The following PLD5 variants were observed in gnomAD, a reference collection of about 807,000 sequenced individuals.
PLD5 encodes phospholipase D family member 5, also known as inactive phospholipase D5.
PLD5 carries 36 observed loss-of-function variants against 61.1 expected under a neutral mutation model. The observed-to-expected ratio is 0.59, with a 90% CI of 0.45 to 0.78. PLD5 has a LOEUF of 0.78. Among genes scored for constraint, PLD5 ranks in the 30% least tolerant of loss-of-function variants. The pLI is 0.00. For synonymous variants in PLD5, 243 were observed against 242.8 expected, an observed-to-expected ratio of 1.00 and a Z score of -0.01; for missense variants, 515 against 644.4, an observed-to-expected ratio of 0.80 and a Z score of 2.17.
intron 1 of PLD5, among the ~76,000 whole-genome samples, chr1:242,401,526 C>T (rs1663934462): frequency 6.6e-6 from 1 of 152,188 alleles, no homozygotes; most frequent in Non-Finnish European, 1.5e-5. Flanking sequence ...TCTCCAAGCC[C>T]ACATCCTGTA....
At chr1:242,487,766 G>C (rs79046530) in intron 1 of PLD5, among the ~76,000 whole-genome samples, 6,623 of 152,130 alleles carry the variant, frequency 0.044, 228 homozygotes, top group Middle Eastern at 0.058. Context: ...TATACAGATG[G>C]CATAAAAGCA....
chr1:242,415,696 G>A lies in PLD5; in HGVS notation c.190-67454C>T, dbSNP rs181524402. Among the ~76,000 whole-genome samples the A allele has an allele frequency of 6.1e-4, 93 of 152,000 alleles. No homozygotes were observed. In the East Asian group the frequency reaches 0.015, roughly 24 times the overall value. ...CCCGGCCAAATTTTTTGTATTTTTA[G>A]TAGAGACGGGGTTTCACCATGTTAG... On this transcript the variant is annotated intron_variant, in intron 1 of 9. Transcript: ENST00000536534.
intron 1 of PLD5, among the ~76,000 whole-genome samples, chr1:242,359,349 G>C (rs1303205536): frequency 6.6e-6 from 1 of 152,082 alleles, no homozygotes; most frequent in Non-Finnish European, 1.5e-5. Context: ...GTGGTGCTGT[G>C]GCAACTTGAG....
At chr1:242,274,714 A>C (rs748031453) in intron 3 of PLD5, among the ~76,000 whole-genome samples, 1 of 152,086 alleles carries the variant, frequency 6.6e-6, no homozygotes, top group Non-Finnish European at 1.5e-5. Flanking sequence ...AGATCGCGCC[A>C]CTGCACTCCA....
chr1:242,178,509 A>G (rs914983831), intron 5 of PLD5: 5 of 152,192 alleles, frequency 3.3e-5, no homozygotes, highest in Admixed American at 6.6e-5. Context: ...GTGCTTTCCA[A>G]TGACTACTCT....
At chr1:242,329,071 T>C (rs1659009281) in intron 2 of PLD5, among the ~76,000 whole-genome samples, 1 of 152,038 alleles carries the variant, frequency 6.6e-6, no homozygotes, top group Admixed American at 6.6e-5. Flanking sequence ...TGCAGTGGTG[T>C]GATCTTGGCT....
chr1:242,505,455 A>T (rs1668690125), intron 1 of PLD5, among the ~76,000 whole-genome samples: 1 of 152,186 alleles, frequency 6.6e-6, no homozygotes, highest in Non-Finnish European at 1.5e-5. Context: ...CACAATAGCC[A>T]AGTTCTGGAA....
chr1:242,190,279 G>A (rs747069036), intron 5 of PLD5, among the ~76,000 whole-genome samples: 10 of 150,630 alleles, frequency 6.6e-5, no homozygotes, highest in Non-Finnish European at 1.3e-4. Flanking sequence ...CCAAGTAGCC[G>A]GGACTACAGG....
At chr1:242,438,133 C>G (rs1666089426) in intron 1 of PLD5, among the ~76,000 whole-genome samples, 1 of 152,114 alleles carries the variant, frequency 6.6e-6, no homozygotes, top group South Asian at 2.1e-4. Flanking sequence ...GTGCCTGATA[C>G]TAACAAGTAA....
intron 1 of PLD5, among the ~76,000 whole-genome samples, chr1:242,500,836 T>C (rs938107438): frequency 6.6e-6 from 1 of 151,296 alleles, no homozygotes; most frequent in Admixed American, 6.6e-5. Context: ...TGTAGAATGT[T>C]GATCAAGGAA....
At chr1:242,201,626 A>G (rs1267844907) in intron 5 of PLD5, among the ~76,000 whole-genome samples, 1 of 152,102 alleles carries the variant, frequency 6.6e-6, no homozygotes, top group Non-Finnish European at 1.5e-5. Flanking sequence ...GGTTCAAGTG[A>G]TCCTCTTACC....
At chr1:242,148,431 C>T (rs1375587042) in intron 5 of PLD5, among the ~76,000 whole-genome samples, 1 of 150,986 alleles carries the variant, frequency 6.6e-6, no homozygotes, top group Non-Finnish European at 1.5e-5. Flanking sequence ...AGTCCTCTGC[C>T]TTTCTTCTTC....
chr1:242,268,314 G>A (rs891646727), intron 3 of PLD5, among the ~76,000 whole-genome samples: 58 of 152,110 alleles, frequency 3.8e-4, no homozygotes, highest in Non-Finnish European at 2.9e-4. Flanking sequence ...CGTGTGTTCC[G>A]TAAGGCCCCA....
At chr1:242,349,009 G>A (rs370841127) in intron 1 of PLD5, among the ~76,000 whole-genome samples, 21 of 152,260 alleles carry the variant, frequency 1.4e-4, no homozygotes, top group South Asian at 6.2e-4. Flanking sequence ...AGCCAAGATC[G>A]CACCACTGCA....
chr1:242,432,270 C>T (rs766664005), intron 1 of PLD5, among the ~76,000 whole-genome samples: 5 of 152,052 alleles, frequency 3.3e-5, no homozygotes, highest in Admixed American at 6.6e-5. Context: ...AAGAAGGACA[C>T]GGAATAGCAT....
At chr1:242,219,908 T>C in intron 5 of PLD5, 80 bp downstream of exon 5, 1 of 1,514,796 alleles carries the variant, frequency 6.6e-7, no homozygotes, top group Non-Finnish European at 9.0e-7. Context: ...TTAGGATCCT[T>C]ATCTGCAGTA....
intron 2 of PLD5, among the ~76,000 whole-genome samples, chr1:242,290,995 T>C (rs1383486460): frequency 4.6e-5 from 7 of 152,182 alleles, no homozygotes; most frequent in Non-Finnish European, 5.9e-5. Flanking sequence ...CCCCACATGA[T>C]TGACAAGTGT....
chr1:242,291,614 G>A (rs1255031553), intron 2 of PLD5, among the ~76,000 whole-genome samples: 2 of 151,996 alleles, frequency 1.3e-5, no homozygotes, highest in East Asian at 3.9e-4. Context: ...AGACCATCTT[G>A]GCTAACACGG....
chr1:242,348,917 G>A (rs1261299653), intron 1 of PLD5, among the ~76,000 whole-genome samples: 8 of 152,190 alleles, frequency 5.3e-5, no homozygotes, highest in South Asian at 2.1e-4. Context: ...AGCTGGGCGT[G>A]GTGGCAGGCG....
Sources: allele counts gnomAD v4.1 joint callset (sites outside exome capture counted in the v4.1 genomes callset), GRCh38; gene constraint gnomAD v4.1.1; transcripts MANE v1.5; gene names NCBI Gene and HGNC (gene_info 2026-07-23, HGNC 2026-07-21).